TRDN: variants seen among roughly 807,000 people sequenced by gnomAD.
The protein encoded by TRDN is triadin.
In TRDN, 161 loss-of-function variants were observed where a neutral mutation model predicts 149.7. That is an observed-to-expected ratio of 1.08 (90% CI 0.95 to 1.23). The LOEUF (loss-of-function observed/expected upper bound fraction) is 1.23, where lower values mean the gene tolerates loss of function less well. Among genes scored for constraint, TRDN ranks in the 50% most tolerant of loss-of-function variants. The probability of loss-of-function intolerance (pLI) is 0.00; values close to 1 mark genes in which losing one functional copy is unlikely to be tolerated. For missense variants in TRDN, 896 were observed against 823.5 expected (o/e 1.09, Z -1.08); for synonymous variants, 294 against 250.5 (o/e 1.17, Z -1.64).
At chr6:123,490,114 A>G (rs532372919) in intron 9 of TRDN, among the ~76,000 whole-genome samples, 43 of 152,348 alleles carry the variant, frequency 2.8e-4, no homozygotes, top group African/African-American at 9.1e-4. Context: ...ATCTCAGACT[A>G]TGAGTCTTCA....
chr6:123,407,086 T>C (rs1379370568), intron 12 of TRDN, among the ~76,000 whole-genome samples: 2 of 152,104 alleles, frequency 1.3e-5, no homozygotes, highest in Admixed American at 6.5e-5. Flanking sequence ...TTTGATAATA[T>C]ACTGGATTGG....
intron 37 of TRDN, 114 bp from the exon 38 acceptor site, chr6:123,252,549 G>T (rs1776411826): frequency 1.9e-6 from 1 of 540,268 alleles, no homozygotes; most frequent in Non-Finnish European, 3.3e-6. Flanking sequence ...TATTATTTAA[G>T]AATCAATGAA....
chr6:123,287,528 G>C (rs1777843810), intron 24 of TRDN, among the ~76,000 whole-genome samples: 1 of 152,098 alleles, frequency 6.6e-6, no homozygotes, highest in Non-Finnish European at 1.5e-5. Context: ...ACAAAGGAAT[G>C]GCTGTTTGTC....
intron 9 of TRDN, among the ~76,000 whole-genome samples, chr6:123,474,371 G>C (rs1240575906): frequency 1.3e-5 from 2 of 151,460 alleles, no homozygotes; most frequent in African/African-American, 4.8e-5. Context: ...GGTAAAGGGA[G>C]CTAACTATCC....
intron 21 of TRDN, among the ~76,000 whole-genome samples, chr6:123,338,171 T>C (rs999642526): frequency 4.6e-5 from 7 of 152,290 alleles, no homozygotes; most frequent in African/African-American, 7.2e-5. Flanking sequence ...GCTCCAGTAG[T>C]TGCATAATGG....
Position 123,380,978 on chromosome 6 carries a change from A to T in TRDN, c.1186+392T>A, listed in dbSNP as rs550473478. On this transcript the variant is annotated intron_variant, in intron 16 of 40. Coordinates refer to ENST00000334268, the MANE Select transcript of TRDN (RefSeq NM_006073.4). The stretch of plus-strand genomic sequence containing the variant: ...CAAAATATCTACAGATTACAAAAAG[A>T]AAGATAGGAAAAAAGTTGTAAAACT... 2.6e-5 allele frequency among the ~76,000 whole-genome samples: 4 copies of T among 152,260 alleles called. No individual in the cohort carries two copies. In the East Asian group the frequency reaches 7.7e-4, roughly 29 times the overall value.
chr6:123,279,348 T>C (rs996540917), intron 24 of TRDN, among the ~76,000 whole-genome samples: 11 of 152,138 alleles, frequency 7.2e-5, no homozygotes, highest in African/African-American at 2.7e-4. Flanking sequence ...TTTGTGTGAA[T>C]ATAGAAGTAG....
intron 12 of TRDN, among the ~76,000 whole-genome samples, chr6:123,412,518 C>T (rs919725625): frequency 6.6e-6 from 1 of 152,140 alleles, no homozygotes; most frequent in Non-Finnish European, 1.5e-5. Context: ...GGAAGACCAT[C>T]ATCACATTTT....
intron 9 of TRDN, among the ~76,000 whole-genome samples, chr6:123,466,345 T>G (rs1224384693): frequency 6.6e-6 from 1 of 152,198 alleles, no homozygotes; most frequent in Non-Finnish European, 1.5e-5. Flanking sequence ...CAAATGGTTT[T>G]CCTGCATTAA....
At chr6:123,455,127 C>T (rs1776032132) in intron 10 of TRDN, among the ~76,000 whole-genome samples, 1 of 152,092 alleles carries the variant, frequency 6.6e-6, no homozygotes, top group African/African-American at 2.4e-5. Context: ...AGTTATTTGA[C>T]TTCACGATTT....
intron 26 of TRDN, among the ~76,000 whole-genome samples, chr6:123,276,330 T>C (rs1777365677): frequency 6.6e-6 from 1 of 152,114 alleles, no homozygotes; most frequent in African/African-American, 2.4e-5. Context: ...ATATTTTTTA[T>C]AAAGTGGCAA....
chr6:123,522,470 C>T (rs952925039), intron 5 of TRDN, among the ~76,000 whole-genome samples: 2 of 145,270 alleles, frequency 1.4e-5, no homozygotes, highest in African/African-American at 5.1e-5. Flanking sequence ...ATTAGAAATA[C>T]ATTACTATTT....
At chr6:123,395,360 T>C (rs1227052210) in intron 12 of TRDN, among the ~76,000 whole-genome samples, 2 of 152,136 alleles carry the variant, frequency 1.3e-5, no homozygotes, top group Non-Finnish European at 2.9e-5. Flanking sequence ...CTGTTTGGTT[T>C]CTCTGTCAGC....
intron 9 of TRDN, among the ~76,000 whole-genome samples, chr6:123,474,968 A>G (rs1329137912): frequency 6.6e-6 from 1 of 152,206 alleles, no homozygotes; most frequent in African/African-American, 2.4e-5. Context: ...AAGATCCAAA[A>G]TTGACACCCT....
intron 24 of TRDN, among the ~76,000 whole-genome samples, chr6:123,315,552 T>G (rs1190750263): frequency 6.6e-6 from 1 of 151,956 alleles, no homozygotes; most frequent in East Asian, 1.9e-4. Context: ...AGATTAAAAT[T>G]TGTGCAAATG....
At chr6:123,366,579 G>A (rs750059832) in intron 19 of TRDN, among the ~76,000 whole-genome samples, 10 of 151,800 alleles carry the variant, frequency 6.6e-5, no homozygotes, top group African/African-American at 7.3e-5. Context: ...ATGCAGTGGC[G>A]CAATCTCGAC....
At chr6:123,606,920 T>A (rs1464649531) in intron 1 of TRDN, among the ~76,000 whole-genome samples, 1 of 152,210 alleles carries the variant, frequency 6.6e-6, no homozygotes, top group Non-Finnish European at 1.5e-5. Context: ...ATGTTACATG[T>A]TGGCAAGCAC....
chr6:123,339,314 GT>G (rs997356876), intron 21 of TRDN, among the ~76,000 whole-genome samples: 1 of 151,974 alleles, frequency 6.6e-6, no homozygotes, highest in African/African-American at 2.4e-5. Flanking sequence ...CATGTATTAG[GT>G]TTTTTTGTTT....
chr6:123,323,157 A>G (rs1427991542), intron 23 of TRDN, among the ~76,000 whole-genome samples: 1 of 152,186 alleles, frequency 6.6e-6, no homozygotes, highest in Admixed American at 6.6e-5. Flanking sequence ...ATGAAGCAGA[A>G]TCCCTGTCTC....
Sources: gnomAD v4.1 joint callset for allele counts (sites outside exome capture counted in the v4.1 genomes callset) on GRCh38, gnomAD v4.1.1 for gene constraint, MANE v1.5 for transcripts, NCBI Gene and HGNC (gene_info 2026-07-23, HGNC 2026-07-21) for gene names.